EBLN1: variants seen among roughly 807,000 people sequenced by gnomAD.
EBLN1 encodes the protein endogenous Bornavirus like nucleoprotein 1.
A neutral mutation model predicts 0.8 loss-of-function variants in EBLN1; 1 was observed. That is an observed-to-expected ratio of 1.32 (90% CI 0.47 to 6.26). The LOEUF (loss-of-function observed/expected upper bound fraction) is 6.26. EBLN1 is among the 30% of genes most tolerant of loss of function. The probability of loss-of-function intolerance (pLI) is 0.15; values close to 1 mark genes in which losing one functional copy is unlikely to be tolerated. For missense variants in EBLN1, 396 were observed against 447.9 expected (o/e 0.88, Z 1.05); for synonymous variants, 158 against 158.5 (o/e 1.00, Z 0.02).
At chr10:22,217,283 G>A (rs917455774) in intron 1 of EBLN1, among the ~76,000 whole-genome samples, 9 of 152,186 alleles carry the variant, frequency 5.9e-5, no homozygotes, top group Admixed American at 4.6e-4. Flanking sequence ...GTGCCACCAC[G>A]CCCAGCTAAT....
At position 22,212,865 on chromosome 10, in the gene EBLN1, G is replaced by C. The variant is rs1304754409; in HGVS notation, c.-68C>G. 6.6e-6 allele frequency among the ~76,000 whole-genome samples: 1 copy of C among 151,224 alleles called. No individual in the cohort carries two copies. The highest frequency in any genetic ancestry group is 1.5e-5 in the Non-Finnish European group (1 of 67,832). On this transcript the variant is annotated 5_prime_UTR_variant, in exon 2 of 3. Coordinates refer to ENST00000422359, the MANE Select transcript of EBLN1 (RefSeq NM_001394757.1). ...ACCTGCAGTCCTAGCTACTTTGGAGGCTGAGGTAGGAGGATTGCTTGACTC... is the reference window on the plus strand; with the variant it reads ...ACCTGCAGTCCTAGCTACTTTGGAGCCTGAGGTAGGAGGATTGCTTGACTC...
intron 1 of EBLN1, among the ~76,000 whole-genome samples, chr10:22,214,270 G>GT (rs1554768561): frequency 1.4e-5 from 1 of 71,172 alleles, no homozygotes; most frequent in Non-Finnish European, 2.7e-5. Flanking sequence ...CAGAGGAATA[G>GT]TTTTTTGATT....
At position 22,217,142 on chromosome 10, in the gene EBLN1, T is replaced by G. The variant is rs11012895; in HGVS notation, c.-169+774A>C. On this transcript the variant is annotated intron_variant, in intron 1 of 2. Transcript: ENST00000422359. ...ATGTGTATATATATATTTTTTTGTT[T>G]TGAGACGGAGTCTCGCTCTGTTGTT... 2.7e-3 allele frequency among the ~76,000 whole-genome samples: 405 copies of G among 152,328 alleles called. 1 individual carries two copies. The highest frequency in any genetic ancestry group is 9.5e-3 in the African/African-American group (396 of 41,578).
intron 1 of EBLN1, among the ~76,000 whole-genome samples, chr10:22,214,103 A>G (rs919927224): frequency 6.6e-6 from 1 of 152,166 alleles, no homozygotes; most frequent in Non-Finnish European, 1.5e-5. Flanking sequence ...AAAAATGGTA[A>G]TGGTACAACT....
At position 22,208,708 on chromosome 10, in the gene EBLN1, C is replaced by T. The variant is rs982603850; in HGVS notation, c.*175G>A. On this transcript the variant is annotated 3_prime_UTR_variant, in exon 3 of 3. Transcript: ENST00000422359. ...CTTTGGAGATCACATCTTTCAGTGG[C>T]CAGAGAATATTGGATGGACTCTTTT... 2 of 703,452 alleles carry T rather than the reference C, an allele frequency of 2.8e-6. No individual in the cohort carries two copies. The highest frequency in any genetic ancestry group is 3.6e-5 in the African/African-American group (2 of 55,254). The allele number at this position is 703,452 out of a possible 1,614,324, so 43.6% of individuals were successfully genotyped here.
Position 22,209,605 on chromosome 10 carries a change from T to C in EBLN1, c.379A>G (p.Thr127Ala), listed in dbSNP as rs1486355837. 2.6e-6 allele frequency: 4 copies of C among 1,536,542 alleles called. No homozygotes were observed. Among genetic ancestry groups the C allele is most frequent in the Admixed American group, 2.0e-5 (1 of 51,026 alleles). ...YASKFEDVLPTFTALEMSSIL... is the reference protein window; with the variant it reads ...YASKFEDVLPAFTALEMSSIL... ...GATGACATCTCAAGGGCAGTGAAGG[T>C]AGGCAAAACATCTTCAAATTTGCTA... The change falls in exon 3 of 3, where the codon ACC (threonine) becomes GCC (alanine). Residue 127 changes from threonine (T) to alanine (A), a missense_variant. By Grantham distance (58) the Thr-to-Ala change is moderately conservative. Coordinates refer to ENST00000422359, the MANE Select transcript of EBLN1 (RefSeq NM_001394757.1).
intron 2 of EBLN1, among the ~76,000 whole-genome samples, chr10:22,211,663 G>C (rs1834756199): frequency 6.6e-6 from 1 of 151,910 alleles, no homozygotes; most frequent in African/African-American, 2.4e-5. Context: ...TCTAATTTTT[G>C]TTTGTTTTTT....
intron 1 of EBLN1, among the ~76,000 whole-genome samples, chr10:22,213,924 C>A (rs545805341): frequency 5.1e-4 from 77 of 152,204 alleles, no homozygotes; most frequent in African/African-American, 1.7e-3. Flanking sequence ...TGGCTGTTTT[C>A]CTGGGTACAA....
Position 22,209,833 on chromosome 10 carries a change from C to T in EBLN1, c.151G>A (p.Gly51Arg), listed in dbSNP as rs1834731573. Residue 51 changes from glycine (G) to arginine (R), a missense_variant, in exon 3 of 3, where the codon GGA becomes AGA. By Grantham distance (125) the Gly-to-Arg change is moderately radical (BLOSUM62 -2). Transcript: ENST00000422359. ...ADALEPQPGI[G>R]DVKVIEKATK... ...GCTTTTTCAATGACCTTAACATCTCCAATACCAGGTTGGGGCTCCAATGCA... is the reference window on the plus strand; with the variant it reads ...GCTTTTTCAATGACCTTAACATCTCTAATACCAGGTTGGGGCTCCAATGCA... 2.0e-6 allele frequency: 3 copies of T among 1,531,264 alleles called. No homozygotes were observed. Among genetic ancestry groups the T allele is most frequent in the African/African-American group, 1.4e-5 (1 of 72,954 alleles). 94.9% of individuals were successfully genotyped at this position (1,531,264 alleles called of 1,614,324 possible).
At chr10:22,210,120 C>T in intron 2 of EBLN1, 93 bp from the exon 3 acceptor site, 1 of 1,098,072 alleles carries the variant, frequency 9.1e-7, no homozygotes, top group Non-Finnish European at 1.2e-6. Context: ...TCATTTACTT[C>T]TTAGTAATAT....
At chr10:22,211,398 C>T (rs1834754003) in intron 2 of EBLN1, among the ~76,000 whole-genome samples, 1 of 152,172 alleles carries the variant, frequency 6.6e-6, no homozygotes, top group Admixed American at 6.5e-5. Flanking sequence ...TTCTGTGGTT[C>T]CCAATTCTGA....
At chr10:22,213,518 T>A (rs754669728) in intron 1 of EBLN1, among the ~76,000 whole-genome samples, 9 of 152,160 alleles carry the variant, frequency 5.9e-5, no homozygotes, top group Non-Finnish European at 1.0e-4. Flanking sequence ...GGTACCTAAT[T>A]TTGTATTTGT....
chr10:22,209,738 C>G lies in EBLN1; in HGVS notation c.246G>C (p.Leu82Phe). ...TGTGTAATCCATCGAATATAAAACA[C>G]AAAAATACTAAGCTTGGGGTTACAA... ...FYLVTPSLVF[L>F]CFIFDGLHKA... The change falls in exon 3 of 3, where the codon TTG becomes TTC. Residue 82 changes from leucine to phenylalanine, a missense_variant. Leu to Phe is a conservative substitution (Grantham distance 22). Coordinates refer to ENST00000422359, the MANE Select transcript of EBLN1 (RefSeq NM_001394757.1). 2 of 1,535,876 alleles carry G rather than the reference C, an allele frequency of 1.3e-6. No individual in the cohort carries two copies. The highest frequency in any genetic ancestry group is 1.7e-6 in the Non-Finnish European group (2 of 1,146,902).
At chr10:22,211,544 G>C (rs1834755157) in intron 2 of EBLN1, among the ~76,000 whole-genome samples, 1 of 152,004 alleles carries the variant, frequency 6.6e-6, no homozygotes, top group South Asian at 2.1e-4. Context: ...CCAGGCTGGA[G>C]TGCAGTGGCG....
chr10:22,214,589 C>A (rs552222140), intron 1 of EBLN1, among the ~76,000 whole-genome samples: 2 of 151,968 alleles, frequency 1.3e-5, no homozygotes, highest in East Asian at 1.9e-4. Context: ...TAAAGGCAAG[C>A]GATATATGGG....
At chr10:22,210,147 G>T in intron 2 of EBLN1, 120 bp from the exon 3 acceptor site, 5 of 954,992 alleles carry the variant, frequency 5.2e-6, no homozygotes, top group Non-Finnish European at 5.5e-6. Flanking sequence ...TTTTAGTCTA[G>T]TAAAGGAATT....
chr10:22,208,817 T>C lies in EBLN1; in HGVS notation c.*66A>G. The stretch of plus-strand genomic sequence containing the variant: ...AACAATAGGCAACACTCAGATACTA[T>C]TTTAGAATGTGATTTTCACATAATT... On this transcript the variant is annotated 3_prime_UTR_variant, in exon 3 of 3. Coordinates refer to ENST00000422359, the MANE Select transcript of EBLN1 (RefSeq NM_001394757.1). The C allele has an allele frequency of 1.4e-6, 2 of 1,427,836 alleles. No individual in the cohort carries two copies. Among genetic ancestry groups the C allele is most frequent in the Non-Finnish European group, 9.2e-7 (1 of 1,091,108 alleles). 88.4% of individuals were successfully genotyped at this position (1,427,836 alleles called of 1,614,324 possible).
intron 1 of EBLN1, among the ~76,000 whole-genome samples, chr10:22,214,300 TTC>T (rs1834775305): frequency 7.5e-6 from 1 of 132,846 alleles, no homozygotes; most frequent in African/African-American, 3.2e-5. Flanking sequence ...TTGTTTTACT[TTC>T]TTTTTTTTTT....
intron 1 of EBLN1, among the ~76,000 whole-genome samples, chr10:22,216,034 C>T (rs1425299750): frequency 6.6e-6 from 1 of 152,032 alleles, no homozygotes; most frequent in Non-Finnish European, 1.5e-5. Context: ...TTAAATTTTT[C>T]ATAACATCTA....
Sources: allele counts gnomAD v4.1 joint callset (sites outside exome capture counted in the v4.1 genomes callset), GRCh38; gene constraint gnomAD v4.1.1; transcripts MANE v1.5; gene names NCBI Gene and HGNC (gene_info 2026-07-23, HGNC 2026-07-21).